Variants in CSMD1 observed in about 807,000 individuals in gnomAD.
CSMD1 encodes the protein CUB and Sushi multiple domains 1.
Under a neutral mutation model 417.5 loss-of-function variants are expected in CSMD1, and 213 were observed. The observed-to-expected ratio is 0.51, with a 90% CI of 0.46 to 0.57. The LOEUF (loss-of-function observed/expected upper bound fraction) is 0.57, where lower values mean the gene tolerates loss of function less well. Among genes scored for constraint, CSMD1 ranks in the 20% least tolerant of loss-of-function variants. CSMD1 has a pLI of 0.00. For synonymous variants in CSMD1, 2,862 were observed against 1,736.8 expected (o/e 1.65, Z -16.11); for missense variants, 6,923 against 4,529.7 (o/e 1.53, Z -15.17).
chr8:3,963,870 T>A (rs535393977), intron 5 of CSMD1, among the ~76,000 whole-genome samples: 2 of 152,208 alleles, frequency 1.3e-5, no homozygotes, highest in Admixed American at 1.3e-4. Flanking sequence ...AATGAAGGTA[T>A]AGATGTTAAC....
intron 69 of CSMD1, among the ~76,000 whole-genome samples, chr8:2,940,637 G>T (rs964317063): frequency 6.6e-6 from 1 of 152,164 alleles, no homozygotes. Context: ...GTGTATGTTG[G>T]ATATAGCCCC....
In CSMD1 at chr8:4,566,886, G is replaced by C. The variant is rs568913114; in HGVS notation, c.302+70456C>G. Among the ~76,000 whole-genome samples the C allele has an allele frequency of 1.1e-4, 4 of 35,326 alleles. No individual in the cohort carries two copies. The South Asian group carries it at 2.5e-3, about 22-fold the overall frequency. 23.2% of individuals were successfully genotyped at this position (35,326 alleles called of 152,430 possible). On this transcript the variant is annotated intron_variant, in intron 2 of 69. Transcript: ENST00000635120. ...TTAAAAAATATTGACTTGGCTGAAT[G>C]TTTTCCAGCAATGAGAAAAAGTCAA...
chr8:4,486,216 T>C (rs1322026143), intron 2 of CSMD1, among the ~76,000 whole-genome samples: 3 of 15,964 alleles, frequency 1.9e-4, no homozygotes, highest in East Asian at 1.9e-3. Context: ...TATATATATA[T>C]ATATATATAC....
At chr8:3,916,820 G>A (rs1001756855) in intron 5 of CSMD1, among the ~76,000 whole-genome samples, 14 of 152,006 alleles carry the variant, frequency 9.2e-5, no homozygotes, top group Admixed American at 5.2e-4. Flanking sequence ...GATTATGGGG[G>A]GTGGTCTTAG....
In CSMD1 at chr8:4,266,808, G is replaced by A. The variant is rs1206892618; in HGVS notation, c.415+153145C>T. On this transcript the variant is annotated intron_variant, in intron 3 of 69. Transcript: ENST00000635120. ...GAATCTAGATGAAAACTTAAATAGT[G>A]GATTGTGATGACTTTTCATTTACTG... 4.8e-5 allele frequency among the ~76,000 whole-genome samples: 5 copies of A among 103,716 alleles called. 1 individual carries two copies. In the East Asian group the frequency reaches 1.3e-3, roughly 26 times the overall value. The allele number at this position is 103,716 out of a possible 152,430, so 68.0% of individuals were successfully genotyped here. A position where few individuals can be genotyped will look rare whatever the true frequency, so the allele number is the denominator to read the frequency against.
intron 5 of CSMD1, among the ~76,000 whole-genome samples, chr8:3,798,685 A>T (rs114272581): frequency 0.015 from 2,268 of 152,244 alleles, 60 homozygotes; most frequent in African/African-American, 0.051. Flanking sequence ...CACACATATA[A>T]GTGTATATAC....
intron 2 of CSMD1, among the ~76,000 whole-genome samples, chr8:4,580,488 A>G (rs576331359): frequency 6.6e-6 from 1 of 152,174 alleles, no homozygotes; most frequent in Non-Finnish European, 1.5e-5. Flanking sequence ...AAGTTATGGA[A>G]ATTTCCTAAT....
intron 3 of CSMD1, among the ~76,000 whole-genome samples, chr8:4,299,706 C>T (rs566333831): frequency 6.6e-6 from 1 of 152,170 alleles, no homozygotes; most frequent in Admixed American, 6.5e-5. Context: ...TCTTGGCTCA[C>T]TGCAACCCCT....
chr8:4,820,980 G>C (rs1389073724), intron 1 of CSMD1, among the ~76,000 whole-genome samples: 1 of 152,108 alleles, frequency 6.6e-6, no homozygotes, highest in Admixed American at 6.6e-5. Flanking sequence ...AAAATGGTAA[G>C]AGACACAATC....
At chr8:3,536,172 G>A (rs774837615) in intron 10 of CSMD1, among the ~76,000 whole-genome samples, 7 of 152,206 alleles carry the variant, frequency 4.6e-5, no homozygotes, top group East Asian at 1.9e-4. Flanking sequence ...AGAGCACGGG[G>A]CTTTCAGCAG....
intron 8 of CSMD1, among the ~76,000 whole-genome samples, chr8:3,609,230 G>A (rs138805897): frequency 6.6e-6 from 1 of 152,158 alleles, no homozygotes; most frequent in East Asian, 1.9e-4. Context: ...TATCCTGTTA[G>A]CACAGAAAGA....
chr8:4,294,023 G>A (rs995851044), intron 3 of CSMD1, among the ~76,000 whole-genome samples: 1 of 152,174 alleles, frequency 6.6e-6, no homozygotes, highest in African/African-American at 2.4e-5. Flanking sequence ...TAAGAATCAG[G>A]ACTTCTGTTC....
chr8:4,213,168 G>C (rs1206500687), intron 3 of CSMD1, among the ~76,000 whole-genome samples: 1 of 152,134 alleles, frequency 6.6e-6, no homozygotes, highest in Non-Finnish European at 1.5e-5. Flanking sequence ...TAAACCAAAT[G>C]GGGAGAGACA....
At chr8:3,058,727 G>GTGGTCTC (rs1812399398) in intron 49 of CSMD1, among the ~76,000 whole-genome samples, 1 of 151,954 alleles carries the variant, frequency 6.6e-6, no homozygotes, top group African/African-American at 2.4e-5. Flanking sequence ...AACAGGCTGC[G>GTGGTCTC]TGGTCTCGGA....
intron 23 of CSMD1, among the ~76,000 whole-genome samples, chr8:3,332,358 C>A (rs1258260365): frequency 2.6e-5 from 4 of 152,224 alleles, no homozygotes; most frequent in Non-Finnish European, 5.9e-5. Context: ...GGCTTGCCCG[C>A]TCCTCACCCA....
intron 63 of CSMD1, 143 bp from the exon 64 acceptor site, chr8:2,955,911 T>A (rs1802972861): frequency 1.8e-6 from 1 of 553,538 alleles, no homozygotes. Context: ...TATATATGTA[T>A]ATTTTTTTTG....
intron 50 of CSMD1, among the ~76,000 whole-genome samples, chr8:3,047,374 C>T (rs62490533): frequency 0.26 from 39,044 of 152,020 alleles, 5,745 homozygotes; most frequent in East Asian, 0.36. Context: ...TGTTTGCATC[C>T]GGCCTTCTGT....
chr8:3,956,971 C>T (rs2449821), intron 5 of CSMD1, among the ~76,000 whole-genome samples: 114,814 of 152,028 alleles, frequency 0.76, 43,685 homozygotes, highest in East Asian at 0.95. Context: ...AAAGGTTGGA[C>T]CTGTTTTTCT....
intron 3 of CSMD1, among the ~76,000 whole-genome samples, chr8:4,261,586 A>G (rs1446477894): frequency 1.3e-5 from 2 of 151,932 alleles, no homozygotes; most frequent in African/African-American, 4.8e-5. Flanking sequence ...CTATTTATTT[A>G]TTTTATAGAG....
Sources: gnomAD v4.1 joint callset for allele counts (sites outside exome capture counted in the v4.1 genomes callset) on GRCh38, gnomAD v4.1.1 for gene constraint, MANE v1.5 for transcripts, NCBI Gene and HGNC (gene_info 2026-07-23, HGNC 2026-07-21) for gene names.